The following MYO7A variants were observed in gnomAD, a reference collection of about 807,000 sequenced individuals.
The protein encoded by MYO7A is unconventional myosin-VIIa.
A neutral mutation model predicts 263.8 loss-of-function variants in MYO7A; 210 were observed. The ratio of observed to expected loss-of-function variants is 0.80; its 90% CI spans 0.71 to 0.89. The LOEUF (loss-of-function observed/expected upper bound fraction) is 0.89, where lower values mean the gene tolerates loss of function less well. Ranked by LOEUF, MYO7A falls within the 40% of genes least tolerant of loss-of-function variation. The pLI is 0.00. For missense variants in MYO7A, 2,820 were observed against 2,968.3 expected, an observed-to-expected ratio of 0.95 and a Z score of 1.16; for synonymous variants, 1,239 against 1,197.3, an observed-to-expected ratio of 1.03 and a Z score of -0.72.
rs367645097 is a variant in MYO7A, at chr11:77,192,043, G to A, written c.3925-8G>A. Reference sequence around the variant, plus strand: ...CTGTGCCTGCTCCCCTCCCCTCTGTGCCCACAGGTGTCCTCCCTGGGCAGC... The same window carrying A: ...CTGTGCCTGCTCCCCTCCCCTCTGTACCCACAGGTGTCCTCCCTGGGCAGC... On this transcript the variant is annotated splice_region_variant and splice_polypyrimidine_tract_variant and intron_variant, in intron 30 of 48. Transcript: ENST00000409709. 915 of 1,610,458 alleles carry A rather than the reference G, an allele frequency of 5.7e-4. 1 individual carries two copies. Among genetic ancestry groups the A allele is most frequent in the Non-Finnish European group, 7.3e-4 (865 of 1,178,578 alleles).
rs1555067568 is a variant in MYO7A at position 77,160,237 on chromosome 11, A to G, written c.1155A>G (p.Pro385=). 5.1e-6 allele frequency: 8 copies of G among 1,580,672 alleles called. No individual in the cohort carries two copies. The Admixed American group carries it at 5.4e-5, about 11-fold the overall frequency. The change falls in exon 11 of 49, where the codon CCA becomes CCG. Residue 385 remains proline (P), a synonymous_variant. Coordinates refer to ENST00000409709, the MANE Select transcript of MYO7A (RefSeq NM_000260.4). ...LITRGETVST[P]LSREQALDVR... is the part of the protein sequence containing the mutation. ...CCCGCGGGGAGACGGTGTCCACCCC[A>G]CTGAGCAGGGAACAGGCACTGGACG... is the stretch of plus-strand genomic sequence containing the variant.
chr11:77,171,787 G>A (rs1954115725), intron 15 of MYO7A, among the ~76,000 whole-genome samples: 1 of 152,212 alleles, frequency 6.6e-6, no homozygotes, highest in Non-Finnish European at 1.5e-5. Context: ...CAAAACCTAA[G>A]CTCTGTGTCC....
chr11:77,173,102 A>G (rs1404387596), intron 16 of MYO7A, among the ~76,000 whole-genome samples: 1 of 152,246 alleles, frequency 6.6e-6, no homozygotes, highest in Non-Finnish European at 1.5e-5. Flanking sequence ...CAGCAGGTTC[A>G]GATCCTGCCT....
intron 2 of MYO7A, among the ~76,000 whole-genome samples, chr11:77,134,572 G>A (rs1398273498): frequency 6.6e-6 from 1 of 151,136 alleles, no homozygotes; most frequent in Non-Finnish European, 1.5e-5. Context: ...GGCTCAAGCA[G>A]CCCTCCTGCC....
chr11:77,160,927 C>A (rs140028750), intron 11 of MYO7A, 46 bp from the exon 12 acceptor site: 13 of 1,574,356 alleles, frequency 8.3e-6, no homozygotes, highest in Middle Eastern at 1.9e-4. Context: ...GCCTGTCCCC[C>A]GGGGGAGGGT....
chr11:77,180,241 T>G, intron 21 of MYO7A, 133 bp from the exon 22 acceptor site: 2 of 877,896 alleles, frequency 2.3e-6, no homozygotes, highest in Non-Finnish European at 3.6e-6. Flanking sequence ...AGAGAATTTC[T>G]TGATTACCTC....
chr11:77,203,796 G>A (rs552304656), intron 38 of MYO7A, among the ~76,000 whole-genome samples: 9 of 152,300 alleles, frequency 5.9e-5, no homozygotes, highest in East Asian at 3.9e-4. Flanking sequence ...AGCTTGGGCC[G>A]TGTCCTAAGG....
rs574400996 is a variant in MYO7A at position 77,203,192 on chromosome 11, G to A, written c.5301G>A (p.Ser1767=). 2.1e-5 allele frequency: 33 copies of A among 1,553,030 alleles called. No individual in the cohort carries two copies. Among genetic ancestry groups the A allele is most frequent in the Non-Finnish European group, 2.5e-5 (29 of 1,149,200 alleles). Residue 1767 remains serine, a synonymous_variant, in exon 38 of 49, where the codon TCG becomes TCA. Coordinates refer to ENST00000409709, the MANE Select transcript of MYO7A (RefSeq NM_000260.4). The stretch of plus-strand genomic sequence containing the variant: ...AGCTCCTGGGCAGTGAGGAGCTCTC[G>A]CAGGAGGCCTGCCTGGCCTTCATTG... ...LKKLLGSEEL[S]QEACLAFIAV...
chr11:77,201,051 C>G (rs1957029364), intron 35 of MYO7A, among the ~76,000 whole-genome samples: 1 of 152,206 alleles, frequency 6.6e-6, no homozygotes. Flanking sequence ...AGGGAGGAAG[C>G]CCGTGTGACC....
intron 31 of MYO7A, among the ~76,000 whole-genome samples, chr11:77,192,814 T>A (rs1198688616): frequency 2.3e-5 from 3 of 128,100 alleles, no homozygotes; most frequent in African/African-American, 9.8e-5. Flanking sequence ...TTGGTGGAGG[T>A]AGTGATGATG....
intron 40 of MYO7A, 56 bp from the exon 41 acceptor site, chr11:77,206,041 C>T (rs1443891543): frequency 7.2e-7 from 1 of 1,380,494 alleles, no homozygotes; most frequent in Non-Finnish European, 1.0e-6. Context: ...TGTCCCGGTC[C>T]CCTGGTCTCC....
chr11:77,148,471 A>G (rs1028308338), intron 4 of MYO7A, among the ~76,000 whole-genome samples: 4 of 152,170 alleles, frequency 2.6e-5, no homozygotes, highest in Non-Finnish European at 5.9e-5. Flanking sequence ...ACTCTCCTCC[A>G]CCTTCAAATG....
At chr11:77,170,450 G>A (rs1451462486) in intron 15 of MYO7A, among the ~76,000 whole-genome samples, 4 of 152,180 alleles carry the variant, frequency 2.6e-5, no homozygotes, top group African/African-American at 4.8e-5. Flanking sequence ...AGCTCCTTTG[G>A]GGCACTGTGG....
At chr11:77,142,162 C>G (rs548891316) in intron 2 of MYO7A, among the ~76,000 whole-genome samples, 3 of 152,252 alleles carry the variant, frequency 2.0e-5, no homozygotes, top group Non-Finnish European at 2.9e-5. Context: ...ACATCCTCCC[C>G]CAGGATCAGG....
chr11:77,195,582 A>C (rs1956593375), intron 32 of MYO7A, among the ~76,000 whole-genome samples: 1 of 152,206 alleles, frequency 6.6e-6, no homozygotes, highest in South Asian at 2.1e-4. Context: ...GGCATTTGTC[A>C]TGTGCTGGGC....
chr11:77,138,880 G>A lies in MYO7A; in HGVS notation c.19-3829G>A, dbSNP rs1951034791. On this transcript the variant is annotated intron_variant, in intron 2 of 48. Coordinates refer to ENST00000409709, the MANE Select transcript of MYO7A (RefSeq NM_000260.4). The surrounding 1 kb of genome is among the most constrained non-coding windows in gnomAD (Gnocchi z 4.9). The stretch of plus-strand genomic sequence containing the variant: ...GTGAAAATGGGGTGATAAAACCGGT[G>A]TCCCAGAGTGATCATGAAGATAACG... 6.6e-6 allele frequency among the ~76,000 whole-genome samples: 1 copy of A among 152,246 alleles called. No homozygotes were observed. The highest frequency in any genetic ancestry group is 2.1e-4 in the South Asian group (1 of 4,836).
chr11:77,211,998 G>C (rs773046286), intron 46 of MYO7A, 61 bp downstream of exon 46: 1 of 1,354,986 alleles, frequency 7.4e-7, no homozygotes, highest in South Asian at 1.2e-5. Flanking sequence ...AAAGCACAGA[G>C]ACTCCTCCCT....
Position 77,160,123 on chromosome 11 carries a change from C to A in MYO7A, c.1081-40C>A, listed in dbSNP as rs370135688. 42 of 1,539,548 alleles carry A rather than the reference C, an allele frequency of 2.7e-5. No homozygotes were observed. The African/African-American group carries it at 5.2e-4, about 19-fold the overall frequency. The stretch of plus-strand genomic sequence containing the variant: ...ATCCGGGTGTGGGTGGAGGGAGGGG[C>A]AGGCTGGCAGGTGAGCACCTGGGGT... On this transcript the variant is annotated intron_variant, in intron 10 of 48. Transcript: ENST00000409709.
chr11:77,164,516 C>G (rs1229302309), intron 14 of MYO7A, among the ~76,000 whole-genome samples: 1 of 152,176 alleles, frequency 6.6e-6, no homozygotes, highest in East Asian at 1.9e-4. Context: ...TATCAGTGAG[C>G]CAGGCTGCAG....
Sources: allele counts gnomAD v4.1 joint callset (sites outside exome capture counted in the v4.1 genomes callset), GRCh38; gene constraint gnomAD v4.1.1; non-coding constraint Gnocchi (gnomAD v3.1); transcripts MANE v1.5; gene names NCBI Gene and HGNC (gene_info 2026-07-23, HGNC 2026-07-21).